The following RPH3A variants were observed in gnomAD, a reference collection of about 807,000 sequenced individuals.
RPH3A encodes the protein rabphilin-3A.
RPH3A carries 48 observed loss-of-function variants against 102.2 expected under a neutral mutation model. That is an observed-to-expected ratio of 0.47 (90% CI 0.37 to 0.60). RPH3A has a LOEUF of 0.60. RPH3A is among the 20% of genes least tolerant of loss of function. The probability of loss-of-function intolerance (pLI) is 0.00; values close to 1 mark genes in which losing one functional copy is unlikely to be tolerated. For missense variants in RPH3A, 781 were observed against 910.1 expected (o/e 0.86, Z 1.83); for synonymous variants, 310 against 324.3 (o/e 0.96, Z 0.47).
intron 5 of RPH3A, among the ~76,000 whole-genome samples, chr12:112,863,509 G>A (rs757993864): frequency 2.6e-5 from 4 of 152,118 alleles, no homozygotes; most frequent in East Asian, 1.9e-4. Context: ...TAGTAGAGAC[G>A]GGGTTTCACC....
At chr12:112,599,592 G>A (rs1338866602) in intron 1 of RPH3A, among the ~76,000 whole-genome samples, 1 of 152,106 alleles carries the variant, frequency 6.6e-6, no homozygotes, top group Non-Finnish European at 1.5e-5. Context: ...CGAATAAATG[G>A]GTTAGTTATA....
intron 1 of RPH3A, among the ~76,000 whole-genome samples, chr12:112,772,231 TC>T (rs2040931714): frequency 6.6e-6 from 1 of 152,150 alleles, no homozygotes; most frequent in Admixed American, 6.6e-5. Flanking sequence ...CAATTCCTCC[TC>T]ACTTCCTGCT....
intron 1 of RPH3A, among the ~76,000 whole-genome samples, chr12:112,633,926 T>C (rs2039826132): frequency 6.6e-6 from 1 of 152,232 alleles, no homozygotes; most frequent in African/African-American, 2.4e-5. Context: ...CTTGAGGTTA[T>C]GTCTCTAATT....
At chr12:112,862,941 G>T (rs1177386565) in intron 5 of RPH3A, among the ~76,000 whole-genome samples, 1 of 151,788 alleles carries the variant, frequency 6.6e-6, no homozygotes, top group Non-Finnish European at 1.5e-5. Flanking sequence ...CCCCTGCCAT[G>T]TATGTACACA....
intron 1 of RPH3A, among the ~76,000 whole-genome samples, chr12:112,749,563 G>A (rs1592978632): frequency 6.6e-6 from 1 of 152,054 alleles, no homozygotes; most frequent in Non-Finnish European, 1.5e-5. Flanking sequence ...TTTATGACTC[G>A]TCCCTGAAAT....
At chr12:112,760,024 C>T (rs945488057) in intron 1 of RPH3A, among the ~76,000 whole-genome samples, 2 of 152,218 alleles carry the variant, frequency 1.3e-5, no homozygotes, top group South Asian at 2.1e-4. Flanking sequence ...CGGATATTCA[C>T]GGTACAGCAG....
At chr12:112,715,923 T>G (rs943063762) in intron 1 of RPH3A, among the ~76,000 whole-genome samples, 13 of 152,184 alleles carry the variant, frequency 8.5e-5, no homozygotes, top group Non-Finnish European at 1.9e-4. Flanking sequence ...TATTCATGCG[T>G]TTTCCAGGAA....
chr12:112,869,777 G>A lies in RPH3A; in HGVS notation c.629G>A (p.Arg210Lys). ...TCTCCAGGTGACAGTGAAGATAGGA[G>A]GGGCCCGGGTCAGAAGACAGGTGGG... The part of the protein sequence containing the change: ...APARGDSEDR[R>K]GPGQKTGPDP... The change falls in exon 9 of 22, where the codon AGG (arginine) becomes AAG (lysine). Residue 210 changes from arginine to lysine, a missense_variant. By Grantham distance (26) the Arg-to-Lys change is conservative (BLOSUM62 2). This residue lies in a region of RPH3A where 730 missense variants were observed against 810.0 expected (regional missense o/e 0.90). Transcript: ENST00000389385. 23 of 1,614,154 alleles carry A rather than the reference G, an allele frequency of 1.4e-5. No individual in the cohort carries two copies. Among genetic ancestry groups the A allele is most frequent in the Non-Finnish European group, 1.9e-5 (23 of 1,180,012 alleles).
In RPH3A at chr12:112,731,874, C is replaced by T. The variant is rs116891968; in HGVS notation, c.-139-60269C>T. ...TACATTTTTCTCTCCCTTTCTCTTG[C>T]CCAGTGAGATGCCCCACCTCCCCAA... On this transcript the variant is annotated intron_variant, in intron 1 of 21. Coordinates refer to the RPH3A transcript ENST00000543106. Among the ~76,000 whole-genome samples, 958 of 152,260 alleles carry T rather than the reference C, an allele frequency of 6.3e-3. 6 individuals are homozygous for T. Among genetic ancestry groups the T allele is most frequent in the Non-Finnish European group, 8.2e-3 (560 of 68,030 alleles).
At chr12:112,751,399 G>C (rs1477800592) in intron 1 of RPH3A, among the ~76,000 whole-genome samples, 1 of 152,116 alleles carries the variant, frequency 6.6e-6, no homozygotes, top group African/African-American at 2.4e-5. Context: ...ACGTTGAAAG[G>C]TTACACACCT....
intron 18 of RPH3A, among the ~76,000 whole-genome samples, 178 bp from the exon 19 acceptor site, chr12:112,890,671 C>A (rs1384157552): frequency 6.6e-6 from 1 of 152,200 alleles, no homozygotes; most frequent in Non-Finnish European, 1.5e-5. Context: ...TGAGACTGGT[C>A]CTCAACTTTC....
At chr12:112,849,466 C>A (rs1156923349) in intron 5 of RPH3A, among the ~76,000 whole-genome samples, 1 of 151,244 alleles carries the variant, frequency 6.6e-6, no homozygotes, top group Non-Finnish European at 1.5e-5. Flanking sequence ...TATCTTTATA[C>A]AACGATGGGC....
intron 1 of RPH3A, among the ~76,000 whole-genome samples, chr12:112,621,123 A>G (rs2039719774): frequency 6.6e-6 from 1 of 151,876 alleles, no homozygotes; most frequent in African/African-American, 2.4e-5. Context: ...GACTATAGAC[A>G]TGAGCCACCG....
chr12:112,629,557 G>A, intron 1 of RPH3A, among the ~76,000 whole-genome samples: 1 of 146,454 alleles, frequency 6.8e-6, no homozygotes, highest in Non-Finnish European at 1.5e-5. Flanking sequence ...ACTCACTGCA[G>A]CCTCGACCTC....
At chr12:112,576,802 T>C (rs1592889449) in intron 1 of RPH3A, among the ~76,000 whole-genome samples, 1 of 151,316 alleles carries the variant, frequency 6.6e-6, no homozygotes, top group African/African-American at 2.4e-5. Context: ...CTTACTCTTG[T>C]CAGGGCCCTG....
At chr12:112,630,516 C>A (rs1042613140) in intron 1 of RPH3A, among the ~76,000 whole-genome samples, 6 of 152,162 alleles carry the variant, frequency 3.9e-5, no homozygotes, top group African/African-American at 1.4e-4. Context: ...CAGGCTTCTG[C>A]ACCACAGTGT....
At chr12:112,864,721 A>G (rs2042578548) in intron 5 of RPH3A, among the ~76,000 whole-genome samples, 1 of 152,212 alleles carries the variant, frequency 6.6e-6, no homozygotes, top group Admixed American at 6.5e-5. Flanking sequence ...AATTAGAATC[A>G]TTTAGCTTCC....
At chr12:112,701,320 G>A (rs940259273) in intron 1 of RPH3A, among the ~76,000 whole-genome samples, 2 of 152,138 alleles carry the variant, frequency 1.3e-5, no homozygotes, top group Non-Finnish European at 2.9e-5. Flanking sequence ...GGTACAATGC[G>A]GGAAGTTGAA....
chr12:112,861,740 G>A (rs1272417727), intron 5 of RPH3A, among the ~76,000 whole-genome samples: 3 of 152,206 alleles, frequency 2.0e-5, no homozygotes, highest in Admixed American at 6.5e-5. Context: ...CCGGCTGGGT[G>A]CAGTGGCTCA....
Sources: gnomAD v4.1 joint callset for allele counts (sites outside exome capture counted in the v4.1 genomes callset) on GRCh38, gnomAD v4.1.1 for gene constraint, gnomAD v4.1.1 regional missense constraint, MANE v1.5 for transcripts, NCBI Gene and HGNC (gene_info 2026-07-23, HGNC 2026-07-21) for gene names.